Variants in KLK6 observed in about 807,000 individuals in gnomAD.
KLK6 encodes kallikrein-6.
KLK6 carries 16 observed loss-of-function variants against 21.7 expected under a neutral mutation model. That is an observed-to-expected ratio of 0.74 (90% CI 0.50 to 1.12). The LOEUF (loss-of-function observed/expected upper bound fraction) is 1.12. Among genes scored for constraint, KLK6 ranks in the 50% most tolerant of loss-of-function variants. The probability of loss-of-function intolerance (pLI) is 0.00; values close to 1 mark genes in which losing one functional copy is unlikely to be tolerated. For missense variants in KLK6, 276 were observed against 304.6 expected (o/e 0.91, Z 0.70); for synonymous variants, 116 against 120.1 (o/e 0.97, Z 0.22).
chr19:50,963,560 A>G lies in KLK6; in HGVS notation c.198-11T>C. ...AAGACCTGAAGATTCCTGGGAAGGA[A>G]GAGGGCTGGGTCTCACCTGGAGCCC... On this transcript the variant is annotated splice_polypyrimidine_tract_variant and intron_variant, in intron 4 of 6. Coordinates refer to ENST00000310157, the MANE Select transcript of KLK6 (RefSeq NM_002774.4). The G allele has an allele frequency of 6.2e-7, 1 of 1,613,780 alleles. No individual in the cohort carries two copies. The highest frequency in any genetic ancestry group is 8.5e-7 in the Non-Finnish European group (1 of 1,179,854).
At position 50,963,414 on chromosome 19, in the gene KLK6, G is replaced by C; in HGVS notation, c.333C>G (p.Arg111=). 6.2e-7 allele frequency: 1 copy of C among 1,614,238 alleles called. No homozygotes were observed. Among genetic ancestry groups the C allele is most frequent in the Non-Finnish European group, 8.5e-7 (1 of 1,180,052 alleles). The change falls in exon 5 of 7, where the codon CGC becomes CGG. Residue 111 remains arginine (R), a synonymous_variant. Coordinates refer to ENST00000310157, the MANE Select transcript of KLK6 (RefSeq NM_002774.4). ...ASHDQDIMLL[R]LARPAKLSEL... ...CAGAGAGTTTGGCTGGGCGTGCCAG[G>C]CGCAACAGCATGATGTCCTGGTCAT...
intron 3 of KLK6, 128 bp downstream of exon 3, chr19:50,967,937 G>A (rs1034967753): frequency 2.6e-4 from 119 of 461,478 alleles, no homozygotes; most frequent in African/African-American, 2.4e-3. Flanking sequence ...AATCCCCAAC[G>A]TCTTCCTCAT....
At chr19:50,968,035 GCCT>G (rs760940499) in intron 3 of KLK6, 27 bp downstream of exon 3, 1 of 1,608,300 alleles carries the variant, frequency 6.2e-7, no homozygotes, top group Non-Finnish European at 8.5e-7. Flanking sequence ...CTGTCTGCAA[GCCT>G]CCCCCATCCA....
In KLK6 at chr19:50,963,715, A is replaced by T. The variant is rs2090882322; in HGVS notation, c.198-166T>A. ...AGAATAATCTTGGGGGCTATTCTTC[A>T]CTCTCTTTATTTCATGCCCTACATC... On this transcript the variant is annotated intron_variant, in intron 4 of 6. Coordinates refer to ENST00000310157, the MANE Select transcript of KLK6 (RefSeq NM_002774.4). 4.1e-6 allele frequency: 3 copies of T among 735,398 alleles called. No individual in the cohort carries two copies. The East Asian group carries it at 8.2e-5, about 20-fold the overall frequency. The allele number at this position is 735,398 out of a possible 1,614,324, so 45.6% of individuals were successfully genotyped here.
At chr19:50,961,131 C>G (rs1568536805) in intron 6 of KLK6, among the ~76,000 whole-genome samples, 1 of 10,870 alleles carries the variant, frequency 9.2e-5, no homozygotes, top group Non-Finnish European at 1.8e-4. Flanking sequence ...AACTCCTGAC[C>G]CCAGGTGATC....
At chr19:50,968,246 C>G (rs887796546) in intron 2 of KLK6, 134 bp from the exon 3 acceptor site, 1 of 786,326 alleles carries the variant, frequency 1.3e-6, no homozygotes. Context: ...TCCTTCCCAT[C>G]TAGCCTCCTG....
intron 4 of KLK6, among the ~76,000 whole-genome samples, chr19:50,964,860 G>GC (rs930207716): frequency 1.3e-5 from 2 of 152,120 alleles, no homozygotes; most frequent in Non-Finnish European, 2.9e-5. Context: ...AGCACCTTCT[G>GC]CCCCCCAGTG....
In KLK6 at chr19:50,959,194, G is replaced by C. The variant is rs763624502; in HGVS notation, c.705C>G (p.Asn235Lys). 8 of 1,614,012 alleles carry C rather than the reference G, an allele frequency of 5.0e-6. No individual in the cohort carries two copies. The Admixed American group carries it at 1.3e-4, about 27-fold the overall frequency. The change falls in exon 7 of 7, where the codon AAC (asparagine) becomes AAG (lysine). Residue 235 changes from asparagine to lysine, a missense_variant. By Grantham distance (94) the Asn-to-Lys change is moderately conservative (BLOSUM62 0). Coordinates refer to ENST00000310157, the MANE Select transcript of KLK6 (RefSeq NM_002774.4). ...TGGCCTGAATGGTTTTTTGGATCCA[G>C]TTCGTGTATCTGCAGACGTTGGTGT... ...GVYTNVCRYT[N>K]WIQKTIQAK
rs2090955894 is a variant in KLK6, at chr19:50,968,092, T to C, written c.13A>G (p.Met5Val). The change falls in exon 3 of 7, where the codon ATG (methionine) becomes GTG (valine). Residue 5 changes from methionine (M) to valine (V), a missense_variant. Physicochemically the swap from Met to Val is conservative, Grantham distance 21. Transcript: ENST00000310157. MKKL[M>V]VVLSLIAAAW... is the part of the protein sequence containing the mutation. ...GCAGCAATCAGACTCAGCACCACCATCAGCTTCTTCATGGCCGCTCCTGAG... is the reference window on the plus strand; with the variant it reads ...GCAGCAATCAGACTCAGCACCACCACCAGCTTCTTCATGGCCGCTCCTGAG... The C allele has an allele frequency of 6.2e-7, 1 of 1,613,698 alleles. No individual in the cohort carries two copies. The highest frequency in any genetic ancestry group is 2.2e-5 in the East Asian group (1 of 44,848).
chr19:50,966,555 C>G (rs548060627), intron 4 of KLK6, among the ~76,000 whole-genome samples: 1 of 152,336 alleles, frequency 6.6e-6, no homozygotes, highest in Non-Finnish European at 1.5e-5. Context: ...AATCCCAGCT[C>G]TTTGGGAGGG....
At chr19:50,965,985 C>T (rs2090920497) in intron 4 of KLK6, among the ~76,000 whole-genome samples, 1 of 152,144 alleles carries the variant, frequency 6.6e-6, no homozygotes, top group South Asian at 2.1e-4. Flanking sequence ...CCCTCCAGCT[C>T]CTCCAACTAT....
In KLK6 at chr19:50,961,771, A is replaced by T; in HGVS notation, c.555T>A (p.Asp185Glu). The T allele has an allele frequency of 6.2e-7, 1 of 1,613,890 alleles. No individual in the cohort carries two copies. The highest frequency in any genetic ancestry group is 8.5e-7 in the Non-Finnish European group (1 of 1,179,890). Reference protein sequence around the residue: ...QITQNMLCAGDEKYGKDSCQG... With the variant: ...QITQNMLCAGEEKYGKDSCQG... ...GGCAGGAATCCTTCCCGTACTTCTC[A>T]TCCCCAGCACACAACATGTTCTGGG... Residue 185 changes from aspartate (D) to glutamate (E), a missense_variant, in exon 6 of 7, where the codon GAT becomes GAA. Transcript: ENST00000310157.
In KLK6 at chr19:50,963,547, T is replaced by C; in HGVS notation, c.200A>G (p.Asn67Ser). 1 of 1,613,968 alleles carries C rather than the reference T, an allele frequency of 6.2e-7. No individual in the cohort carries two copies. Among genetic ancestry groups the C allele is most frequent in the Non-Finnish European group, 8.5e-7 (1 of 1,179,936 alleles). ...ATGCTTCCCCAGGAAGACCTGAAGA[T>C]TCCTGGGAAGGAAGAGGGCTGGGTC... ...VLTAAHCKKP[N>S]LQVFLGKHNL... The change falls in exon 5 of 7, where the codon AAT becomes AGT. Residue 67 changes from asparagine (N) to serine (S), a missense_variant and splice_region_variant. By Grantham distance (46) the Asn-to-Ser change is conservative. Coordinates refer to ENST00000310157, the MANE Select transcript of KLK6 (RefSeq NM_002774.4).
rs2090759913 is a variant in KLK6, at chr19:50,958,950, A to T, written c.*214T>A. The T allele has an allele frequency of 1.7e-6, 1 of 595,346 alleles. No homozygotes were observed. The highest frequency in any genetic ancestry group is 1.9e-5 in the African/African-American group (1 of 53,666). The allele number at this position is 595,346 out of a possible 1,614,324, so 36.9% of individuals were successfully genotyped here. ...TCTCTTAGTGGTGGGGGTAAGACCG[A>T]GGACCCAAGTCCTCACTCATCACGT... On this transcript the variant is annotated 3_prime_UTR_variant, in exon 7 of 7. Transcript: ENST00000310157.
chr19:50,962,009 C>G, intron 5 of KLK6, 129 bp from the exon 6 acceptor site: 1 of 969,134 alleles, frequency 1.0e-6, no homozygotes, highest in Non-Finnish European at 1.5e-6. Flanking sequence ...ACCCCTCTTC[C>G]TGTTTGTCTC....
chr19:50,967,092 G>A (rs2090938259), intron 4 of KLK6, 77 bp downstream of exon 4: 2 of 1,542,290 alleles, frequency 1.3e-6, no homozygotes, highest in Non-Finnish European at 1.8e-6. Flanking sequence ...GGATGCCTAT[G>A]TCACCTCCTG....
At position 50,961,880 on chromosome 19, in the gene KLK6, C is replaced by G; in HGVS notation, c.446G>C (p.Gly149Ala). The change falls in exon 6 of 7, where the codon GGT becomes GCT. Residue 149 changes from glycine (G) to alanine (A), a missense_variant and splice_region_variant. Coordinates refer to ENST00000310157, the MANE Select transcript of KLK6 (RefSeq NM_002774.4). ...ACACTGGATGGTGTCAGGGAAATCA[C>G]CTGTTAGGGGAGAGATGGGCCAGAC... ...HILGWGKTADGDFPDTIQCAY... is the reference protein window; with the variant it reads ...HILGWGKTADADFPDTIQCAY... The G allele has an allele frequency of 1.2e-6, 2 of 1,613,014 alleles. No individual in the cohort carries two copies. Among genetic ancestry groups the G allele is most frequent in the Non-Finnish European group, 1.7e-6 (2 of 1,179,370 alleles).
intron 3 of KLK6, among the ~76,000 whole-genome samples, 186 bp from the exon 4 acceptor site, chr19:50,967,511 CCACACACACACACACA>C (rs146062864): frequency 1.6e-5 from 2 of 125,478 alleles, no homozygotes; most frequent in Non-Finnish European, 3.2e-5. Context: ...GACCTCATCT[CCACACACACACACACA>C]CACACACACA....
intron 6 of KLK6, among the ~76,000 whole-genome samples, chr19:50,959,984 CGAG>C (rs1225892236): frequency 2.4e-4 from 8 of 33,122 alleles, no homozygotes; most frequent in African/African-American, 1.1e-3. Flanking sequence ...AAGAGGAGAA[CGAG>C]GAGGAGGAAG....
Sources: gnomAD v4.1 joint callset for allele counts (sites outside exome capture counted in the v4.1 genomes callset) on GRCh38, gnomAD v4.1.1 for gene constraint, MANE v1.5 for transcripts, NCBI Gene and HGNC (gene_info 2026-07-23, HGNC 2026-07-21) for gene names.